The following SCAF1 variants were observed in gnomAD, a reference collection of about 807,000 sequenced individuals.
SCAF1 encodes SR-related CTD associated factor 1.
In SCAF1, 28 loss-of-function variants were observed where a neutral mutation model predicts 91.2. The ratio of observed to expected loss-of-function variants is 0.31; its 90% CI spans 0.23 to 0.42. The LOEUF (loss-of-function observed/expected upper bound fraction) is 0.42, where lower values mean the gene tolerates loss of function less well. SCAF1 is among the 10% of genes least tolerant of loss of function. The pLI is 1.00. For missense variants in SCAF1, 1,893 were observed against 1,872.1 expected, an observed-to-expected ratio of 1.01 and a Z score of -0.21; for synonymous variants, 1,036 against 833.7, an observed-to-expected ratio of 1.24 and a Z score of -4.18.
At position 49,652,713 on chromosome 19, in the gene SCAF1, G is replaced by T. The variant is rs182682442; in HGVS notation, c.2324G>T (p.Gly775Val). ...GGGTCTCGTCGGAAGGCGCTGGACG[G>T]GGGTGACCGGGATCGGGACAGGGAC... ...EKGSRRKALD[G>V]GDRDRDRDRD... Residue 775 changes from glycine to valine, a missense_variant, in exon 7 of 11, where the codon GGG becomes GTG. By Grantham distance (109) the Gly-to-Val change is moderately radical. Coordinates refer to ENST00000360565, the MANE Select transcript of SCAF1 (RefSeq NM_021228.3). 1.9e-6 allele frequency: 3 copies of T among 1,589,292 alleles called. No homozygotes were observed. Among genetic ancestry groups the T allele is most frequent in the Non-Finnish European group, 1.7e-6 (2 of 1,168,204 alleles).
At chr19:49,657,982 G>A (rs944561016) in intron 10 of SCAF1, 93 bp downstream of exon 10, 198 of 1,485,856 alleles carry the variant, frequency 1.3e-4, no homozygotes, top group Middle Eastern at 7.0e-4. Context: ...GATGGGAGAC[G>A]GGGAGGAGGT....
chr19:49,650,417 T>C (rs1268521441), intron 6 of SCAF1, among the ~76,000 whole-genome samples: 2 of 152,144 alleles, frequency 1.3e-5, no homozygotes, highest in Non-Finnish European at 2.9e-5. Context: ...GTTTTCCTGT[T>C]TCTTCTCCCC....
chr19:49,641,918 G>A (rs2081028259), upstream of SCAF1, among the ~76,000 whole-genome samples: 1 of 152,254 alleles, frequency 6.6e-6, no homozygotes, highest in African/African-American at 2.4e-5. Flanking sequence ...CGCGCGCGCA[G>A]GGCACTGTGG....
At chr19:49,650,773 T>C (rs761516837) in intron 6 of SCAF1, 95 bp from the exon 7 acceptor site, 10 of 947,432 alleles carry the variant, frequency 1.1e-5, no homozygotes, top group Non-Finnish European at 1.4e-5. Flanking sequence ...GGGCAGGACC[T>C]GGTGGCCCAG....
At chr19:49,647,200 C>T (rs1216665604) in intron 6 of SCAF1, among the ~76,000 whole-genome samples, 1 of 152,222 alleles carries the variant, frequency 6.6e-6, no homozygotes, top group East Asian at 1.9e-4. Context: ...CCGTGGGGTG[C>T]CTGGGCCTTG....
At chr19:49,650,113 G>A (rs1213368534) in intron 6 of SCAF1, among the ~76,000 whole-genome samples, 1 of 152,222 alleles carries the variant, frequency 6.6e-6, no homozygotes, top group Non-Finnish European at 1.5e-5. Flanking sequence ...ACCATGCCTG[G>A]TTTGGAGGAA....
chr19:49,654,801 C>A lies in SCAF1; in HGVS notation c.3549C>A (p.Thr1183=). The change falls in exon 9 of 11, where the codon ACC becomes ACA. Residue 1183 remains threonine, a synonymous_variant. Coordinates refer to ENST00000360565, the MANE Select transcript of SCAF1 (RefSeq NM_021228.3). ...GCGGTTCGACCCCCCCCACCCCCAC[C>A]GGGCTGGCTGCCACGTCTGACAAGA... The part of the protein sequence containing the change: ...GGCGSTPPTP[T]GLAATSDKRE... 3 of 1,612,686 alleles carry A rather than the reference C, an allele frequency of 1.9e-6. No individual in the cohort carries two copies. The highest frequency in any genetic ancestry group is 2.5e-6 in the Non-Finnish European group (3 of 1,179,414).
chr19:49,658,450 T>G lies in SCAF1; in HGVS notation c.*51T>G. On this transcript the variant is annotated 3_prime_UTR_variant, in exon 11 of 11. Transcript: ENST00000360565. Reference sequence around the variant, plus strand: ...CACCTCTTTGAAACTCTGGACGTATTTATGGCTCCACCTCCCCACCTCCCT... The same window carrying G: ...CACCTCTTTGAAACTCTGGACGTATGTATGGCTCCACCTCCCCACCTCCCT... 9.5e-7 allele frequency: 1 copy of G among 1,058,160 alleles called. No homozygotes were observed. Among genetic ancestry groups the G allele is most frequent in the Non-Finnish European group, 1.4e-6 (1 of 736,774 alleles). The allele number at this position is 1,058,160 out of a possible 1,614,324, so 65.5% of individuals were successfully genotyped here.
At position 49,651,765 on chromosome 19, in the gene SCAF1, T is replaced by A; in HGVS notation, c.1376T>A (p.Leu459Gln). The A allele has an allele frequency of 7.6e-7, 1 of 1,315,444 alleles. No homozygotes were observed. The highest frequency in any genetic ancestry group is 9.6e-7 in the Non-Finnish European group (1 of 1,037,740). The allele number at this position is 1,315,444 out of a possible 1,614,324, so 81.5% of individuals were successfully genotyped here. The change falls in exon 7 of 11, where the codon CTG becomes CAG. Residue 459 changes from leucine (L) to glutamine (Q), a missense_variant. Leu to Gln is a moderately radical substitution (Grantham distance 113). Transcript: ENST00000360565. ...LHAESDGEGA[L>Q]QVDLGEPAPA... ...GCGGAGTCGGACGGCGAGGGCGCCC[T>A]GCAGGTGGACCTAGGGGAGCCGGCT...
intron 6 of SCAF1, among the ~76,000 whole-genome samples, chr19:49,650,607 T>C (rs1190893572): frequency 9.2e-5 from 14 of 152,178 alleles, no homozygotes; most frequent in Admixed American, 9.2e-4. Flanking sequence ...TGACTGAGTT[T>C]ACACCCTGAC....
In SCAF1 at chr19:49,653,268, A is replaced by G; in HGVS notation, c.2879A>G (p.Glu960Gly). The G allele has an allele frequency of 4.7e-6, 7 of 1,481,352 alleles. No homozygotes were observed. Among genetic ancestry groups the G allele is most frequent in the Non-Finnish European group, 4.5e-6 (5 of 1,114,418 alleles). 91.8% of individuals were successfully genotyped at this position (1,481,352 alleles called of 1,614,324 possible). Residue 960 changes from glutamate (E) to glycine (G), a missense_variant, in exon 7 of 11, where the codon GAG (glutamate) becomes GGG (glycine). By Grantham distance (98) the Glu-to-Gly change is moderately conservative (BLOSUM62 -2). Around this residue, in one of 5 missense-constraint regions of SCAF1, gnomAD observed 1,436 missense variants for 1,306.8 expected, o/e 1.10. Transcript: ENST00000360565. ...CAGGCGGCAGGCACCAAGGGGGCGGAGGAGACTTCCTGGTCCGGGGAGGAG... is the reference window on the plus strand; with the variant it reads ...CAGGCGGCAGGCACCAAGGGGGCGGGGGAGACTTCCTGGTCCGGGGAGGAG... ...CSQAAGTKGA[E>G]ETSWSGEERA...
Position 49,653,087 on chromosome 19 carries a change from A to G in SCAF1, c.2698A>G (p.Thr900Ala). The change falls in exon 7 of 11, where the codon ACC becomes GCC. Residue 900 changes from threonine to alanine, a missense_variant. Physicochemically the swap from Thr to Ala is moderately conservative, Grantham distance 58 (BLOSUM62 0). This residue lies in a region of SCAF1 where 1,436 missense variants were observed against 1,306.8 expected (regional missense o/e 1.10). Coordinates refer to ENST00000360565, the MANE Select transcript of SCAF1 (RefSeq NM_021228.3). The part of the protein sequence containing the change: ...AAPGSTKPKK[T>A]KVKAKAGAKK... ...TCCGGGCAGCACCAAGCCCAAAAAG[A>G]CCAAGGTCAAGGCCAAGGCAGGGGC... 4 of 1,613,350 alleles carry G rather than the reference A, an allele frequency of 2.5e-6. No individual in the cohort carries two copies. Among genetic ancestry groups the G allele is most frequent in the Non-Finnish European group, 3.4e-6 (4 of 1,179,646 alleles).
chr19:49,654,422 C>T lies in SCAF1; in HGVS notation c.3390C>T (p.Ala1130=). 1.2e-6 allele frequency: 2 copies of T among 1,613,298 alleles called. No homozygotes were observed. Among genetic ancestry groups the T allele is most frequent in the Non-Finnish European group, 8.5e-7 (1 of 1,179,872 alleles). The change falls in exon 8 of 11, where the codon GCC becomes GCT. Residue 1130 remains alanine (A), a synonymous_variant. Coordinates refer to ENST00000360565, the MANE Select transcript of SCAF1 (RefSeq NM_021228.3). ...CGAAGGCCCAGGAGCTGATCCAGGC[C>T]ACCAACCAGGTGGGCTCCCCTGGGG... ...SRAKAQELIQ[A]TNQILSHRKP...
In SCAF1 at chr19:49,653,718, T is replaced by G; in HGVS notation, c.3316+13T>G. 1 of 1,515,310 alleles carries G rather than the reference T, an allele frequency of 6.6e-7. No individual in the cohort carries two copies. Among genetic ancestry groups the G allele is most frequent in the East Asian group, 2.4e-5 (1 of 41,998 alleles). 93.9% of individuals were successfully genotyped at this position (1,515,310 alleles called of 1,614,324 possible). ...GGCGTCCTGGCCTGTGAGTGTCCCC[T>G]GGGGGAGGGTGGTGCTGGGGCAGGT... On this transcript the variant is annotated intron_variant, in intron 7 of 10. Transcript: ENST00000360565.
In SCAF1 at chr19:49,646,050, C is replaced by G. The variant is rs183204901; in HGVS notation, c.167-58C>G. ...AGATCAAGCTCCTCTTTCCTCTACCCCGCAAGTCTCTGCAGCAAGTCCCCT... is the reference window on the plus strand; with the variant it reads ...AGATCAAGCTCCTCTTTCCTCTACCGCGCAAGTCTCTGCAGCAAGTCCCCT... On this transcript the variant is annotated intron_variant, in intron 3 of 10. Coordinates refer to ENST00000360565, the MANE Select transcript of SCAF1 (RefSeq NM_021228.3). The surrounding 1 kb of genome is among the most constrained non-coding windows in gnomAD (Gnocchi z 5.6). The G allele has an allele frequency of 3.2e-4, 478 of 1,494,072 alleles. 2 individuals are homozygous for G. The African/African-American group carries it at 5.8e-3, about 18-fold the overall frequency. 92.6% of individuals were successfully genotyped at this position (1,494,072 alleles called of 1,614,324 possible). A position where few individuals can be genotyped will look rare whatever the true frequency, so the allele number is the denominator to read the frequency against.
chr19:49,641,923 CTG>C (rs1461610667), upstream of SCAF1, among the ~76,000 whole-genome samples: 3 of 152,274 alleles, frequency 2.0e-5, no homozygotes, highest in Non-Finnish European at 4.4e-5. Flanking sequence ...GCGCAGGGCA[CTG>C]TGGGGCGTCA....
chr19:49,646,472 T>C lies in SCAF1; in HGVS notation c.262-54T>C. 6.7e-7 allele frequency: 1 copy of C among 1,490,388 alleles called. No homozygotes were observed. Among genetic ancestry groups the C allele is most frequent in the East Asian group, 2.3e-5 (1 of 44,098 alleles). The allele number at this position is 1,490,388 out of a possible 1,614,324, so 92.3% of individuals were successfully genotyped here. The stretch of plus-strand genomic sequence containing the variant: ...AGGTTAGGGAGTGGGGAAGCAGGAT[T>C]TGCCAGTCTTCATGTGACCAGGGAC... On this transcript the variant is annotated intron_variant, in intron 4 of 10. Coordinates refer to ENST00000360565, the MANE Select transcript of SCAF1 (RefSeq NM_021228.3). This position sits in a 1 kb window ranked among gnomAD's most constrained non-coding sequence, Gnocchi z 5.6.
At position 49,657,906 on chromosome 19, in the gene SCAF1, A is replaced by G. The variant is rs1390204777; in HGVS notation, c.3747+17A>G. 6.2e-7 allele frequency: 1 copy of G among 1,609,458 alleles called. No individual in the cohort carries two copies. Among genetic ancestry groups the G allele is most frequent in the Admixed American group, 1.7e-5 (1 of 59,242 alleles). Reference sequence around the variant, plus strand: ...GTCCACAAGGTGGGCACCCGGAGAGAGGGGCAGACACAGGCCGGGGAGAGA... The same window carrying G: ...GTCCACAAGGTGGGCACCCGGAGAGGGGGGCAGACACAGGCCGGGGAGAGA... On this transcript the variant is annotated intron_variant, in intron 10 of 10. Transcript: ENST00000360565.
Position 49,651,387 on chromosome 19 carries a change from C to T in SCAF1, c.998C>T (p.Pro333Leu). The T allele has an allele frequency of 1.2e-6, 2 of 1,607,868 alleles. No homozygotes were observed. The highest frequency in any genetic ancestry group is 1.7e-6 in the Non-Finnish European group (2 of 1,179,138). Residue 333 changes from proline to leucine, a missense_variant, in exon 7 of 11, where the codon CCT becomes CTT. By Grantham distance (98) the Pro-to-Leu change is moderately conservative. Around this residue, in one of 5 missense-constraint regions of SCAF1, gnomAD observed 1,436 missense variants for 1,306.8 expected, o/e 1.10. Coordinates refer to ENST00000360565, the MANE Select transcript of SCAF1 (RefSeq NM_021228.3). ...CAGCCCACACAGCCGACTCCCGCCC[C>T]TGGAACGCCGCCCCAGGTGGACTCC... is the stretch of plus-strand genomic sequence containing the variant. ...DAQPTQPTPAPGTPPQVDSTR... is the reference protein window; with the variant it reads ...DAQPTQPTPALGTPPQVDSTR...
Sources: gnomAD v4.1 joint callset for allele counts (sites outside exome capture counted in the v4.1 genomes callset) on GRCh38, gnomAD v4.1.1 for gene constraint, gnomAD v4.1.1 regional missense constraint, Gnocchi (gnomAD v3.1) non-coding constraint, MANE v1.5 for transcripts, NCBI Gene and HGNC (gene_info 2026-07-23, HGNC 2026-07-21) for gene names.